Variants in KDM5B observed in about 807,000 individuals in gnomAD.
KDM5B encodes lysine demethylase 5B.
KDM5B carries 144 observed loss-of-function variants against 193.4 expected under a neutral mutation model. The observed-to-expected ratio is 0.74, with a 90% CI of 0.65 to 0.86. The LOEUF is 0.86. KDM5B is among the 40% of genes least tolerant of loss of function. The pLI, the probability that KDM5B is intolerant of heterozygous loss-of-function variation, is 0.00. For synonymous variants in KDM5B, 668 were observed against 682.6 expected (o/e 0.98, Z 0.33); for missense variants, 1,833 against 1,886.9 (o/e 0.97, Z 0.53).
chr1:202,792,734 G>A (rs1267198766), intron 1 of KDM5B, among the ~76,000 whole-genome samples: 1 of 152,166 alleles, frequency 6.6e-6, no homozygotes, highest in Non-Finnish European at 1.5e-5. Context: ...AGTGGCCCAC[G>A]CCTGTAATCC....
intron 1 of KDM5B, chr1:202,796,228 C>A: frequency 3.2e-6 from 1 of 317,216 alleles, no homozygotes; most frequent in South Asian, 3.0e-5. Flanking sequence ...AGCTGCCCTC[C>A]TCTCTCCAAT....
chr1:202,764,285 TAAGG>T (rs1656361123), intron 5 of KDM5B, 140 bp from the exon 6 acceptor site: 6 of 527,822 alleles, frequency 1.1e-5, no homozygotes, highest in Non-Finnish European at 2.0e-5. Context: ...TCTCTCTTCC[TAAGG>T]AAGAGAGCTC....
chr1:202,730,907 A>G lies in KDM5B; in HGVS notation c.4176+2T>C. On this transcript the variant is annotated splice_donor_variant, in intron 25 of 26. Coordinates refer to ENST00000367265, the MANE Select transcript of KDM5B (RefSeq NM_006618.5). LOFTEE classifies it high-confidence loss of function. ...TGCCCCAGAAGCCTCTCAGACACTC[A>G]CCTTCTCACTGCTGGGTCTCACTGG... 6.3e-7 allele frequency: 1 copy of G among 1,591,398 alleles called. No individual in the cohort carries two copies.
intron 12 of KDM5B, among the ~76,000 whole-genome samples, chr1:202,752,032 T>C (rs1348352347): frequency 2.0e-5 from 3 of 152,218 alleles, no homozygotes; most frequent in African/African-American, 4.8e-5. Flanking sequence ...CTCCATTGAC[T>C]AGCCTATGAA....
At chr1:202,732,012 A>T in intron 23 of KDM5B, 73 bp from the exon 24 acceptor site, 4 of 810,250 alleles carry the variant, frequency 4.9e-6, no homozygotes, top group East Asian at 3.4e-5. Context: ...CAATGACAGT[A>T]GCTTGCATTA....
intron 1 of KDM5B, among the ~76,000 whole-genome samples, chr1:202,803,733 C>T (rs1046204025): frequency 6.6e-6 from 1 of 151,802 alleles, no homozygotes; most frequent in Non-Finnish European, 1.5e-5. Context: ...GCAGGAGAAT[C>T]GCTTGAACCC....
chr1:202,777,408 T>C (rs1167187774), intron 1 of KDM5B, among the ~76,000 whole-genome samples: 2 of 151,376 alleles, frequency 1.3e-5, no homozygotes, highest in Non-Finnish European at 2.9e-5. Context: ...ACTTCTGTAT[T>C]ACCATAGACA....
intron 1 of KDM5B, among the ~76,000 whole-genome samples, chr1:202,782,448 C>T (rs1005482594): frequency 8.5e-5 from 13 of 152,088 alleles, no homozygotes; most frequent in Non-Finnish European, 1.5e-5. Flanking sequence ...AATCCTCACA[C>T]CTAGGCCTCC....
chr1:202,775,882 ATAT>A lies in KDM5B; in HGVS notation c.282+1132_282+1134del, dbSNP rs1558507323. 9.4e-3 allele frequency among the ~76,000 whole-genome samples: 695 copies of A among 73,696 alleles called. 12 individuals carry two copies. The highest frequency in any genetic ancestry group is 0.029 in the African/African-American group (582 of 20,044). The allele number at this position is 73,696 out of a possible 152,430, so 48.3% of individuals were successfully genotyped here. ...AAAAAAAAAAAAAAAAAAAAAAAAT[ATAT>A]ATATATATATATATATATAATATAT... On this transcript the variant is annotated intron_variant, in intron 2 of 26. Coordinates refer to ENST00000367265, the MANE Select transcript of KDM5B (RefSeq NM_006618.5).
rs762221540 is a variant in KDM5B at position 202,752,981 on chromosome 1, A to C, written c.1625T>G (p.Phe542Cys). 6.2e-7 allele frequency: 1 copy of C among 1,614,150 alleles called. No individual in the cohort carries two copies. The highest frequency in any genetic ancestry group is 8.5e-7 in the Non-Finnish European group (1 of 1,180,002). Residue 542 changes from phenylalanine (F) to cysteine (C), a missense_variant, in exon 12 of 27, where the codon TTT becomes TGT. Around this residue, in one of 3 missense-constraint regions of KDM5B, gnomAD observed 1,379 missense variants for 1,349.6 expected, o/e 1.02. Coordinates refer to ENST00000367265, the MANE Select transcript of KDM5B (RefSeq NM_006618.5). ...NVMKKLAPEL[F>C]VSQPDLLHQL... is the part of the protein sequence containing the mutation. ...ATGGAGGAGATCCGGCTGGGACACAAAGAGTTCTGGAGCTAGTTTCTTCAT... is the reference window on the plus strand; with the variant it reads ...ATGGAGGAGATCCGGCTGGGACACACAGAGTTCTGGAGCTAGTTTCTTCAT...
At chr1:202,768,008 G>A (rs1254949409) in intron 4 of KDM5B, among the ~76,000 whole-genome samples, 1 of 152,152 alleles carries the variant, frequency 6.6e-6, no homozygotes, top group African/African-American at 2.4e-5. Context: ...ATCATCCAAA[G>A]ATATCACCTG....
At chr1:202,753,169 A>T in intron 11 of KDM5B, 102 bp from the exon 12 acceptor site, 1 of 978,900 alleles carries the variant, frequency 1.0e-6, no homozygotes, top group Non-Finnish European at 1.5e-6. Flanking sequence ...GACTACGCAA[A>T]AAAGGAATCC....
chr1:202,767,955 T>C (rs1353707696), intron 4 of KDM5B, among the ~76,000 whole-genome samples: 1 of 152,238 alleles, frequency 6.6e-6, no homozygotes, highest in African/African-American at 2.4e-5. Context: ...ATATGTTTTC[T>C]AGATTTTACA....
chr1:202,756,550 C>G, intron 9 of KDM5B, 34 bp from the exon 10 acceptor site: 1 of 1,529,168 alleles, frequency 6.5e-7, no homozygotes, highest in Non-Finnish European at 8.8e-7. Context: ...AATGAGTTTC[C>G]TCACAAACTG....
At chr1:202,807,200 T>A (rs1658331991) in intron 1 of KDM5B, 1 of 152,048 alleles carries the variant, frequency 6.6e-6, no homozygotes, top group Non-Finnish European at 1.5e-5. Flanking sequence ...CCGTCTGACG[T>A]TCCCCTACAA....
intron 4 of KDM5B, among the ~76,000 whole-genome samples, chr1:202,769,668 CAAAAAAAAAAA>C (rs71142553): frequency 8.9e-5 from 5 of 55,920 alleles, no homozygotes; most frequent in African/African-American, 2.6e-4. Flanking sequence ...GACTCTGTCT[CAAAAAAAAAAA>C]AAAAAAAAAA....
At chr1:202,736,957 C>T (rs1655121064) in intron 20 of KDM5B, among the ~76,000 whole-genome samples, 1 of 152,096 alleles carries the variant, frequency 6.6e-6, no homozygotes, top group Non-Finnish European at 1.5e-5. Flanking sequence ...CTAGTTTGTG[C>T]TAGGCTCTAA....
Position 202,741,434 on chromosome 1 carries a change from G to A in KDM5B, c.2878C>T (p.Arg960Trp), listed in dbSNP as rs570344084. 1.2e-5 allele frequency: 20 copies of A among 1,605,840 alleles called. No individual in the cohort carries two copies. Among genetic ancestry groups the A allele is most frequent in the East Asian group, 1.1e-4 (5 of 44,724 alleles). ...GACACTGTGAGCAGTTCCTGCAGCCGGGCCATAGCTTTCTCCACTGCTGAA... is the reference window on the plus strand; with the variant it reads ...GACACTGTGAGCAGTTCCTGCAGCCAGGCCATAGCTTTCTCCACTGCTGAA... ...PYSAVEKAMA[R>W]LQELLTVSEH... Residue 960 changes from arginine (R) to tryptophan (W), a missense_variant, in exon 19 of 27, where the codon CGG becomes TGG. Transcript: ENST00000367265.
In KDM5B at chr1:202,756,384, T is replaced by G; in HGVS notation, c.1330A>C (p.Lys444Gln). 3 of 1,611,778 alleles carry G rather than the reference T, an allele frequency of 1.9e-6. No individual in the cohort carries two copies. Among genetic ancestry groups the G allele is most frequent in the Non-Finnish European group, 2.5e-6 (3 of 1,179,050 alleles). Reference sequence around the variant, plus strand: ...TCTTCCTCAGGTGAGAGTTTGATTTTCCCATCTCGGACAGGAAAGCCACTG... The same window carrying G: ...TCTTCCTCAGGTGAGAGTTTGATTTGCCCATCTCGGACAGGAAAGCCACTG... Reference protein sequence around the residue: ...FGSGFPVRDGKIKLSPEEEEY... With the variant: ...FGSGFPVRDGQIKLSPEEEEY... Residue 444 changes from lysine to glutamine, a missense_variant, in exon 10 of 27, where the codon AAA becomes CAA. Around this residue, in one of 3 missense-constraint regions of KDM5B, gnomAD observed 1,379 missense variants for 1,349.6 expected, o/e 1.02. Transcript: ENST00000367265.
Sources: gnomAD v4.1 joint callset for allele counts (sites outside exome capture counted in the v4.1 genomes callset) on GRCh38, gnomAD v4.1.1 for gene constraint, gnomAD v4.1.1 regional missense constraint, MANE v1.5 for transcripts, NCBI Gene and HGNC (gene_info 2026-07-23, HGNC 2026-07-21) for gene names.